SERINC5: variants seen among roughly 807,000 people sequenced by gnomAD.
The protein encoded by SERINC5 is serine incorporator 5.
SERINC5 carries 41 observed loss-of-function variants against 63.1 expected under a neutral mutation model. The ratio of observed to expected loss-of-function variants is 0.65; its 90% CI spans 0.51 to 0.84. The LOEUF (loss-of-function observed/expected upper bound fraction) is 0.84. Among genes scored for constraint, SERINC5 ranks in the 40% least tolerant of loss-of-function variants. The pLI, the probability that SERINC5 is intolerant of heterozygous loss-of-function variation, is 0.00. For missense variants in SERINC5, 523 were observed against 573.0 expected, an observed-to-expected ratio of 0.91 and a Z score of 0.89; for synonymous variants, 222 against 215.2, an observed-to-expected ratio of 1.03 and a Z score of -0.28.
chr5:80,209,117 A>G (rs1488819497), intron 1 of SERINC5, among the ~76,000 whole-genome samples: 2 of 152,164 alleles, frequency 1.3e-5, no homozygotes, highest in African/African-American at 4.8e-5. Flanking sequence ...CTAAAAATAC[A>G]AAAATTAGCC....
chr5:80,117,250 C>T (rs1389616568), intron 11 of SERINC5, among the ~76,000 whole-genome samples: 1 of 152,096 alleles, frequency 6.6e-6, no homozygotes, highest in Non-Finnish European at 1.5e-5. Flanking sequence ...CTCACTCTGC[C>T]GTTTACTCAC....
chr5:80,231,492 A>G (rs1751435857), intron 1 of SERINC5, among the ~76,000 whole-genome samples: 1 of 152,162 alleles, frequency 6.6e-6, no homozygotes, highest in South Asian at 2.1e-4. Context: ...TCTCATGGTC[A>G]CAAAAAAAAT....
At chr5:80,206,147 T>C (rs1258236289) in intron 1 of SERINC5, among the ~76,000 whole-genome samples, 1 of 152,066 alleles carries the variant, frequency 6.6e-6, no homozygotes, top group Admixed American at 6.5e-5. Context: ...CAGATTACAA[T>C]AAAATCTGTA....
At chr5:80,221,989 T>C (rs903240092) in intron 1 of SERINC5, among the ~76,000 whole-genome samples, 16 of 151,646 alleles carry the variant, frequency 1.1e-4, no homozygotes, top group Admixed American at 9.2e-4. Flanking sequence ...TACAAAAAAA[T>C]TTTCTTAATT....
intron 6 of SERINC5, among the ~76,000 whole-genome samples, chr5:80,168,295 A>G (rs530247482): frequency 6.6e-6 from 1 of 152,140 alleles, no homozygotes; most frequent in East Asian, 1.9e-4. Flanking sequence ...CCCGGGTTCA[A>G]GCAATTCTCC....
chr5:80,114,993 G>A (rs1357461334), intron 11 of SERINC5, among the ~76,000 whole-genome samples: 2 of 152,002 alleles, frequency 1.3e-5, no homozygotes, highest in African/African-American at 4.8e-5. Context: ...GACAATGACT[G>A]ATTTTCTGCC....
At chr5:80,183,482 T>C (rs1748588489) in intron 2 of SERINC5, among the ~76,000 whole-genome samples, 2 of 151,928 alleles carry the variant, frequency 1.3e-5, no homozygotes, top group East Asian at 3.9e-4. Flanking sequence ...AGCCATCTCA[T>C]CCCCTGTGAC....
At chr5:80,175,639 C>A (rs1187222594) in intron 4 of SERINC5, among the ~76,000 whole-genome samples, 1 of 151,454 alleles carries the variant, frequency 6.6e-6, no homozygotes, top group African/African-American at 2.4e-5. Context: ...GAGGCTGAGG[C>A]AGGGGGATCA....
chr5:80,132,491 C>T (rs1744987210), intron 11 of SERINC5, among the ~76,000 whole-genome samples: 1 of 152,136 alleles, frequency 6.6e-6, no homozygotes, highest in Non-Finnish European at 1.5e-5. Flanking sequence ...TGCTTGTAAC[C>T]ACCCCAACCT....
intron 2 of SERINC5, among the ~76,000 whole-genome samples, chr5:80,182,557 C>T (rs1166061018): frequency 1.9e-5 from 2 of 105,186 alleles, no homozygotes; most frequent in Non-Finnish European, 3.7e-5. Flanking sequence ...CCCCCCCCCT[C>T]CGCTTTTTTT....
chr5:80,225,879 C>G, intron 1 of SERINC5, among the ~76,000 whole-genome samples: 1 of 152,154 alleles, frequency 6.6e-6, no homozygotes, highest in East Asian at 1.9e-4. Flanking sequence ...GTGCTTCCAT[C>G]GAAACACCAA....
chr5:80,115,046 T>G (rs1744279024), intron 11 of SERINC5, among the ~76,000 whole-genome samples: 1 of 152,140 alleles, frequency 6.6e-6, no homozygotes, highest in South Asian at 2.1e-4. Flanking sequence ...ATGCCAGGAC[T>G]TCCCTGTCTT....
At chr5:80,128,072 C>T (rs1316839034) in intron 11 of SERINC5, among the ~76,000 whole-genome samples, 1 of 152,148 alleles carries the variant, frequency 6.6e-6, no homozygotes, top group Non-Finnish European at 1.5e-5. Flanking sequence ...AGTCTCTTTA[C>T]TTACCTTAAA....
chr5:80,173,229 G>GGAAA (rs1433262413), intron 5 of SERINC5, among the ~76,000 whole-genome samples: 4 of 8,982 alleles, frequency 4.5e-4, no homozygotes, highest in Non-Finnish European at 1.6e-3. Context: ...AAGGAAAGAA[G>GGAAA]GAAGGAAGGA....
rs4492097 is a variant in SERINC5 at position 80,195,672 on chromosome 5, T to C, written c.195+7214A>G. On this transcript the variant is annotated intron_variant, in intron 2 of 11. Transcript: ENST00000507668. ...AAAATAGGAAATAAAGTAGCTCATC[T>C]CCCCAGTTTCAGAGTTTCAAACATA... Among the ~76,000 whole-genome samples, 834 of 152,286 alleles carry C rather than the reference T, an allele frequency of 5.5e-3. 7 individuals are homozygous for C. Among genetic ancestry groups the C allele is most frequent in the African/African-American group, 0.019 (799 of 41,550 alleles).
At chr5:80,252,878 T>TAA (rs1344869943) in intron 1 of SERINC5, among the ~76,000 whole-genome samples, 1 of 152,242 alleles carries the variant, frequency 6.6e-6, no homozygotes, top group East Asian at 1.9e-4. Context: ...GGGTTACATA[T>TAA]TGTTCAGGAT....
chr5:80,137,133 C>A (rs192382165), downstream of SERINC5, among the ~76,000 whole-genome samples: 185 of 95,442 alleles, frequency 1.9e-3, 2 homozygotes, highest in African/African-American at 6.9e-3. Context: ...GACTGAGACC[C>A]TGTCTCAAAA....
At chr5:80,245,074 C>G (rs888314336) in intron 1 of SERINC5, among the ~76,000 whole-genome samples, 4 of 152,220 alleles carry the variant, frequency 2.6e-5, no homozygotes, top group African/African-American at 7.2e-5. Context: ...CAGGCAGGCT[C>G]TACCTTCACT....
At chr5:80,186,390 G>A (rs985061490) in intron 2 of SERINC5, among the ~76,000 whole-genome samples, 12 of 151,930 alleles carry the variant, frequency 7.9e-5, no homozygotes, top group Admixed American at 2.6e-4. Flanking sequence ...CACCCGCCTC[G>A]GCCCCCTAAA....
Sources: gnomAD v4.1 joint callset for allele counts (sites outside exome capture counted in the v4.1 genomes callset) on GRCh38, gnomAD v4.1.1 for gene constraint, MANE v1.5 for transcripts, NCBI Gene and HGNC (gene_info 2026-07-23, HGNC 2026-07-21) for gene names.